The following ZFAND6 variants were observed in gnomAD, a reference collection of about 807,000 sequenced individuals.
ZFAND6 encodes the protein AN1-type zinc finger protein 6.
A neutral mutation model predicts 24.5 loss-of-function variants in ZFAND6; 12 were observed. That is an observed-to-expected ratio of 0.49 (90% CI 0.31 to 0.79). The LOEUF is 0.79. Among genes scored for constraint, ZFAND6 ranks in the 30% least tolerant of loss-of-function variants. The pLI, the probability that ZFAND6 is intolerant of heterozygous loss-of-function variation, is 0.04. For synonymous variants in ZFAND6, 92 were observed against 81.5 expected, an observed-to-expected ratio of 1.13 and a Z score of -0.69; for missense variants, 207 against 245.9, an observed-to-expected ratio of 0.84 and a Z score of 1.06.
chr15:80,073,901 G>A (rs1227362630), intron 1 of ZFAND6, among the ~76,000 whole-genome samples: 1 of 151,626 alleles, frequency 6.6e-6, no homozygotes, highest in Non-Finnish European at 1.5e-5. Flanking sequence ...TAATAGTATT[G>A]CGTTGAACAC....
intron 1 of ZFAND6, among the ~76,000 whole-genome samples, chr15:80,082,050 G>A (rs927775726): frequency 5.9e-5 from 9 of 152,206 alleles, no homozygotes; most frequent in African/African-American, 1.9e-4. Flanking sequence ...GGGAGTAATA[G>A]ATTCTGGATA....
chr15:80,095,836 A>G (rs1205483474), intron 1 of ZFAND6, among the ~76,000 whole-genome samples: 1 of 152,174 alleles, frequency 6.6e-6, no homozygotes, highest in African/African-American at 2.4e-5. Context: ...TCGATAGGTT[A>G]CTTGCTTTAA....
chr15:80,109,665 T>C (rs1004387547), intron 2 of ZFAND6, among the ~76,000 whole-genome samples: 7 of 152,194 alleles, frequency 4.6e-5, no homozygotes, highest in African/African-American at 1.7e-4. Context: ...CTTTGTAAGT[T>C]GGGAAGCCAC....
intron 2 of ZFAND6, among the ~76,000 whole-genome samples, chr15:80,101,388 G>A (rs1179981026): frequency 6.6e-6 from 1 of 152,076 alleles, no homozygotes; most frequent in African/African-American, 2.4e-5. Flanking sequence ...GCTTGAACCC[G>A]GGAGGCAGAG....
At chr15:80,059,939 G>A (rs1447282325) in intron 1 of ZFAND6, 130 bp downstream of exon 1, 1 of 151,036 alleles carries the variant, frequency 6.6e-6, no homozygotes, top group African/African-American at 2.4e-5. Flanking sequence ...AGCCGGAAGC[G>A]GAGGGCGGCC....
intron 1 of ZFAND6, among the ~76,000 whole-genome samples, chr15:80,067,285 A>C (rs1184866683): frequency 6.6e-6 from 1 of 152,082 alleles, no homozygotes; most frequent in South Asian, 2.1e-4. Context: ...AATAGCATAT[A>C]TTATTTTACC....
intron 1 of ZFAND6, among the ~76,000 whole-genome samples, chr15:80,066,284 G>GGCAT (rs1299153544): frequency 1.3e-5 from 2 of 151,728 alleles, no homozygotes; most frequent in African/African-American, 4.8e-5. Context: ...AGGTGTGTAT[G>GGCAT]GGAGTTTCTT....
intron 1 of ZFAND6, among the ~76,000 whole-genome samples, chr15:80,075,724 A>G (rs1216011081): frequency 1.3e-5 from 2 of 152,068 alleles, no homozygotes; most frequent in African/African-American, 2.4e-5. Flanking sequence ...GTTTAAACCT[A>G]TTAATGCTAA....
chr15:80,136,728 T>G (rs1285676137), intron 6 of ZFAND6, among the ~76,000 whole-genome samples: 1 of 152,216 alleles, frequency 6.6e-6, no homozygotes, highest in Admixed American at 6.5e-5. Flanking sequence ...CATAAAATTC[T>G]AATTTGGGGG....
chr15:80,104,165 C>G (rs1055627080), intron 2 of ZFAND6, among the ~76,000 whole-genome samples: 1 of 142,388 alleles, frequency 7.0e-6, no homozygotes. Flanking sequence ...AACTCTGGCT[C>G]CACTCCATGA....
At chr15:80,136,271 C>T (rs750106459) in intron 6 of ZFAND6, among the ~76,000 whole-genome samples, 4 of 152,130 alleles carry the variant, frequency 2.6e-5, no homozygotes, top group Non-Finnish European at 2.9e-5. Flanking sequence ...TCTAGACCAT[C>T]CTGGCCAACA....
intron 6 of ZFAND6, among the ~76,000 whole-genome samples, chr15:80,133,745 A>G (rs1334313604): frequency 6.6e-6 from 1 of 152,182 alleles, no homozygotes; most frequent in Admixed American, 6.5e-5. Context: ...GCAGGAGGAG[A>G]TCGTCTAACT....
chr15:80,114,246 T>A lies in ZFAND6; in HGVS notation c.-17-6082T>A, dbSNP rs558926986. ...CCCTCTTAGTTGAAACCAGGGAAAT[T>A]TAGTAACAAGTCCAAGCTTTTACAG... On this transcript the variant is annotated intron_variant, in intron 2 of 6. Coordinates refer to ENST00000261749, the MANE Select transcript of ZFAND6 (RefSeq NM_019006.4). Among the ~76,000 whole-genome samples, 4 of 152,282 alleles carry A rather than the reference T, an allele frequency of 2.6e-5. No homozygotes were observed. The South Asian group carries it at 8.3e-4, about 32-fold the overall frequency.
chr15:80,111,443 A>G, intron 2 of ZFAND6: 1 of 449,584 alleles, frequency 2.2e-6, no homozygotes, highest in Non-Finnish European at 4.5e-6. Context: ...ACATCCTGGG[A>G]ATACTGTATT....
Position 80,137,761 on chromosome 15 carries a change from T to A in ZFAND6, c.*133T>A. On this transcript the variant is annotated 3_prime_UTR_variant, in exon 7 of 7. Coordinates refer to ENST00000261749, the MANE Select transcript of ZFAND6 (RefSeq NM_019006.4). Reference sequence around the variant, plus strand: ...TCGGAAGAATAGATTTTTGTTTTGGTTTTGTTTTGAAAATGACTCTGAACA... The same window carrying A: ...TCGGAAGAATAGATTTTTGTTTTGGATTTGTTTTGAAAATGACTCTGAACA... 1 of 1,025,580 alleles carries A rather than the reference T, an allele frequency of 9.8e-7. No homozygotes were observed. The highest frequency in any genetic ancestry group is 1.3e-6 in the Non-Finnish European group (1 of 758,656). The allele number at this position is 1,025,580 out of a possible 1,614,324, so 63.5% of individuals were successfully genotyped here.
chr15:80,114,843 G>A (rs1439177935), intron 2 of ZFAND6, among the ~76,000 whole-genome samples: 1 of 152,048 alleles, frequency 6.6e-6, no homozygotes, highest in Admixed American at 6.5e-5. Context: ...TCAAGAGCAT[G>A]GTTTTAGCTA....
chr15:80,123,684 C>T (rs918243250), intron 5 of ZFAND6, among the ~76,000 whole-genome samples: 21 of 152,160 alleles, frequency 1.4e-4, no homozygotes, highest in African/African-American at 5.1e-4. Flanking sequence ...AGGAGGATCG[C>T]TTGAGTCTGG....
chr15:80,104,309 G>A (rs2039198405), intron 2 of ZFAND6, among the ~76,000 whole-genome samples: 2 of 152,176 alleles, frequency 1.3e-5, no homozygotes, highest in Non-Finnish European at 2.9e-5. Context: ...ATCATTTGAG[G>A]TCAGGAGTTC....
At chr15:80,074,457 GAGT>G (rs1230630802) in intron 1 of ZFAND6, among the ~76,000 whole-genome samples, 5 of 151,888 alleles carry the variant, frequency 3.3e-5, no homozygotes, top group African/African-American at 1.2e-4. Flanking sequence ...GAGGAGACTG[GAGT>G]AGTGCCAGTT....
Sources: gnomAD v4.1 joint callset for allele counts (sites outside exome capture counted in the v4.1 genomes callset) on GRCh38, gnomAD v4.1.1 for gene constraint, MANE v1.5 for transcripts, NCBI Gene and HGNC (gene_info 2026-07-23, HGNC 2026-07-21) for gene names.